Variants in BDH1 observed in about 807,000 individuals in gnomAD.
BDH1 encodes the protein 3-hydroxybutyrate dehydrogenase 1.
In BDH1, 30 loss-of-function variants were observed where a neutral mutation model predicts 33.1. The observed-to-expected ratio is 0.91, with a 90% confidence interval of 0.68 to 1.23. The LOEUF is 1.23. Among genes scored for constraint, BDH1 ranks in the 50% most tolerant of loss-of-function variants. The pLI, the probability that BDH1 is intolerant of heterozygous loss-of-function variation, is 0.00. For missense variants in BDH1, 443 were observed against 464.4 expected, an observed-to-expected ratio of 0.95 and a Z score of 0.42; for synonymous variants, 190 against 183.6, an observed-to-expected ratio of 1.03 and a Z score of -0.28.
chr3:197,519,255 G>A (rs558958002), intron 6 of BDH1, among the ~76,000 whole-genome samples: 2 of 152,176 alleles, frequency 1.3e-5, no homozygotes, highest in East Asian at 3.9e-4. Context: ...CTCTTGTAGT[G>A]GTCTGATCCA....
intron 5 of BDH1, among the ~76,000 whole-genome samples, chr3:197,527,293 G>A (rs1435814408): frequency 2.0e-5 from 3 of 152,214 alleles, no homozygotes; most frequent in African/African-American, 7.2e-5. Context: ...ACGAGCAAGG[G>A]TGGTTTATTT....
chr3:197,550,393 C>A (rs1361323661), intron 2 of BDH1, among the ~76,000 whole-genome samples: 2 of 152,218 alleles, frequency 1.3e-5, no homozygotes, highest in Non-Finnish European at 2.9e-5. Context: ...GATAACACAC[C>A]ACATACACTC....
At chr3:197,539,383 G>A (rs34621227) in intron 3 of BDH1, among the ~76,000 whole-genome samples, 32,257 of 151,898 alleles carry the variant, frequency 0.21, 3,725 homozygotes, top group African/African-American at 0.29. Context: ...CAGGTGTTCC[G>A]CCCACCTCAG....
chr3:197,516,596 G>A lies in BDH1; in HGVS notation c.410-2180C>T, dbSNP rs566265886. 5.9e-5 allele frequency among the ~76,000 whole-genome samples: 9 copies of A among 152,082 alleles called. No homozygotes were observed. The South Asian group carries it at 1.5e-3, about 25-fold the overall frequency. Reference sequence around the variant, plus strand: ...CCCCTCAGTTCTCCTTGGGAGTCACGGCTCTCTCTCCTCATCCCATCTCCT... The same window carrying A: ...CCCCTCAGTTCTCCTTGGGAGTCACAGCTCTCTCTCCTCATCCCATCTCCT... On this transcript the variant is annotated intron_variant, in intron 6 of 7. Coordinates refer to ENST00000392379, the MANE Select transcript of BDH1 (RefSeq NM_203314.3). The surrounding 1 kb of genome is among the most constrained non-coding windows in gnomAD (Gnocchi z 4.2).
rs1040134036 is a variant in BDH1 at position 197,525,163 on chromosome 3, C to T, written c.268-2382G>A. Reference sequence around the variant, plus strand: ...CATCTTCAGGTCTAGGGTGTGATGACGTGGTGCCTGCAGACCCCTCTCTTC... The same window carrying T: ...CATCTTCAGGTCTAGGGTGTGATGATGTGGTGCCTGCAGACCCCTCTCTTC... On this transcript the variant is annotated intron_variant, in intron 5 of 7. Transcript: ENST00000392379. This position sits in a 1 kb window ranked among gnomAD's most constrained non-coding sequence, Gnocchi z 4.9. 3.3e-5 allele frequency among the ~76,000 whole-genome samples: 5 copies of T among 152,298 alleles called. No homozygotes were observed. The highest frequency in any genetic ancestry group is 1.2e-4 in the African/African-American group (5 of 41,572).
intron 6 of BDH1, among the ~76,000 whole-genome samples, chr3:197,519,269 A>G (rs1490702661): frequency 6.6e-6 from 1 of 152,114 alleles, no homozygotes; most frequent in Non-Finnish European, 1.5e-5. Flanking sequence ...TGATCCAGGC[A>G]TGAGTGCTGG....
At chr3:197,512,883 C>T (rs1042464861) in intron 7 of BDH1, among the ~76,000 whole-genome samples, 1 of 152,158 alleles carries the variant, frequency 6.6e-6, no homozygotes, top group Admixed American at 6.5e-5. Context: ...GCAGCCCTGG[C>T]GATGGGGGTT....
chr3:197,545,669 G>C (rs918575785), intron 3 of BDH1, among the ~76,000 whole-genome samples: 1 of 152,258 alleles, frequency 6.6e-6, no homozygotes, highest in Non-Finnish European at 1.5e-5. Flanking sequence ...AAGGTCTGTA[G>C]ACTAGTTAAT....
upstream of BDH1, among the ~76,000 whole-genome samples, chr3:197,557,365 T>C (rs1308581111): frequency 6.6e-6 from 1 of 152,132 alleles, no homozygotes; most frequent in East Asian, 1.9e-4. The surrounding 1 kb of genome is among the most constrained non-coding windows in gnomAD (Gnocchi z 4.6). Flanking sequence ...AGAGAAGGAA[T>C]GAATAGAATG....
chr3:197,564,688 G>A (rs1424577721), intron 1 of BDH1, among the ~76,000 whole-genome samples: 3 of 152,116 alleles, frequency 2.0e-5, no homozygotes, highest in African/African-American at 4.8e-5. Context: ...AATAAGTTCA[G>A]TTTCTCTATA....
chr3:197,544,937 A>C (rs1006682703), intron 3 of BDH1, among the ~76,000 whole-genome samples: 15 of 152,210 alleles, frequency 9.9e-5, no homozygotes, highest in African/African-American at 3.6e-4. Context: ...AGTCCCAGCT[A>C]CTTGGGAGGC....
At position 197,520,740 on chromosome 3, in the gene BDH1, A is replaced by G. The variant is rs997048636; in HGVS notation, c.409+1900T>C. On this transcript the variant is annotated intron_variant, in intron 6 of 7. Transcript: ENST00000392379. The surrounding 1 kb of genome is among the most constrained non-coding windows in gnomAD (Gnocchi z 6.0). ...GGAAAATATAGCAGCTGCCCAGGGA[A>G]GGTGGGAGGGAGGAGAATTTACCGC... Among the ~76,000 whole-genome samples the G allele has an allele frequency of 2.6e-5, 4 of 152,164 alleles. No individual in the cohort carries two copies. Among genetic ancestry groups the G allele is most frequent in the African/African-American group, 9.7e-5 (4 of 41,450 alleles).
In BDH1 at chr3:197,520,917, T is replaced by A. The variant is rs1160669691; in HGVS notation, c.409+1723A>T. Among the ~76,000 whole-genome samples the A allele has an allele frequency of 6.6e-6, 1 of 152,106 alleles. No individual in the cohort carries two copies. The highest frequency in any genetic ancestry group is 1.9e-4 in the East Asian group (1 of 5,192). On this transcript the variant is annotated intron_variant, in intron 6 of 7. Coordinates refer to ENST00000392379, the MANE Select transcript of BDH1 (RefSeq NM_203314.3). The surrounding 1 kb of genome is among the most constrained non-coding windows in gnomAD (Gnocchi z 6.0). ...ACAGAGAGGCCTGTGAATGGCCTGT[T>A]GGGAGGATGGGAGCGACAGTGGGCT... is the stretch of plus-strand genomic sequence containing the variant.
At position 197,570,306 on chromosome 3, in the gene BDH1, C is replaced by T. The variant is rs536168172; in HGVS notation, c.-44+2875G>A. On this transcript the variant is annotated intron_variant, in intron 1 of 6. Transcript: ENST00000358186. ...ACATAAAAGTTTGGAAAATTTGCAG[C>T]CTGACGCAATACAAAAGAAAAACGC... 4.6e-5 allele frequency among the ~76,000 whole-genome samples: 7 copies of T among 152,336 alleles called. No homozygotes were observed. In the East Asian group the frequency reaches 1.3e-3, roughly 29 times the overall value.
chr3:197,562,154 A>G (rs1326889740), intron 1 of BDH1, among the ~76,000 whole-genome samples: 2 of 152,246 alleles, frequency 1.3e-5, no homozygotes, highest in Admixed American at 1.3e-4. Context: ...ATGTAATGGC[A>G]GACGAGAACT....
At position 197,526,481 on chromosome 3, in the gene BDH1, T is replaced by A. The variant is rs552905153; in HGVS notation, c.268-3700A>T. On this transcript the variant is annotated intron_variant, in intron 5 of 7. Coordinates refer to ENST00000392379, the MANE Select transcript of BDH1 (RefSeq NM_203314.3). This position sits in a 1 kb window ranked among gnomAD's most constrained non-coding sequence, Gnocchi z 4.7. ...GCTCTTCCTTCTTGGGGTGCTTCTG[T>A]GGAGTCTACAAAGATTCTGCCACGG... Among the ~76,000 whole-genome samples, 1 of 152,264 alleles carries A rather than the reference T, an allele frequency of 6.6e-6. No homozygotes were observed. The highest frequency in any genetic ancestry group is 2.1e-4 in the South Asian group (1 of 4,820).
In BDH1 at chr3:197,511,953, C is replaced by A; in HGVS notation, c.974G>T (p.Arg325Leu). 7 of 1,596,768 alleles carry A rather than the reference C, an allele frequency of 4.4e-6. No homozygotes were observed. Among genetic ancestry groups the A allele is most frequent in the Non-Finnish European group, 6.0e-6 (7 of 1,169,740 alleles). Residue 325 changes from arginine to leucine, a missense_variant, in exon 8 of 8, where the codon CGA (arginine) becomes CTA (leucine). Arg to Leu is a moderately radical substitution (Grantham distance 102). Coordinates refer to ENST00000392379, the MANE Select transcript of BDH1 (RefSeq NM_203314.3). ...AGGCAAGTGGGTCATGATCTGCATT[C>A]GCAGCCACCAGTAGTAGTCCATGGG... is the stretch of plus-strand genomic sequence containing the variant. Reference protein sequence around the residue: ...YHPMDYYWWLRMQIMTHLPGA... With the variant: ...YHPMDYYWWLLMQIMTHLPGA...
chr3:197,540,869 G>A (rs1715555277), intron 3 of BDH1, among the ~76,000 whole-genome samples: 3 of 152,154 alleles, frequency 2.0e-5, no homozygotes, highest in Non-Finnish European at 4.4e-5. Flanking sequence ...CTTCCAGAGA[G>A]CAGAAGGTTC....
intron 1 of BDH1, among the ~76,000 whole-genome samples, chr3:197,564,364 G>T (rs1176318981): frequency 6.6e-6 from 1 of 151,418 alleles, no homozygotes; most frequent in Non-Finnish European, 1.5e-5. Context: ...ATTAAGTTTT[G>T]GTTTGCTTAG....
Sources: gnomAD v4.1 joint callset for allele counts (sites outside exome capture counted in the v4.1 genomes callset) on GRCh38, gnomAD v4.1.1 for gene constraint, Gnocchi (gnomAD v3.1) non-coding constraint, MANE v1.5 for transcripts, NCBI Gene and HGNC (gene_info 2026-07-23, HGNC 2026-07-21) for gene names.